FSHR: variants seen among roughly 807,000 people sequenced by gnomAD.
The protein encoded by FSHR is follicle stimulating hormone receptor, also known as follicle-stimulating hormone receptor.
Under a neutral mutation model 52.1 loss-of-function variants are expected in FSHR, and 46 were observed. That is an observed-to-expected ratio of 0.88 (90% CI 0.70 to 1.13). The LOEUF is 1.13. Among genes scored for constraint, FSHR ranks in the 50% most tolerant of loss-of-function variants. The pLI is 0.00. For missense variants in FSHR, 964 were observed against 834.6 expected (o/e 1.16, Z -1.91); for synonymous variants, 399 against 309.6 (o/e 1.29, Z -3.03).
At chr2:49,066,315 C>T (rs564759529) in intron 2 of FSHR, among the ~76,000 whole-genome samples, 19 of 151,916 alleles carry the variant, frequency 1.3e-4, no homozygotes, top group African/African-American at 3.9e-4. Context: ...GAAGAAAAGG[C>T]CAATATTTAT....
chr2:49,023,102 C>T (rs1432587414), intron 2 of FSHR, among the ~76,000 whole-genome samples: 1 of 152,178 alleles, frequency 6.6e-6, no homozygotes, highest in East Asian at 1.9e-4. Context: ...GATAGAGGAG[C>T]TCCAGGAGAA....
intron 2 of FSHR, among the ~76,000 whole-genome samples, chr2:49,030,726 A>G (rs1404375951): frequency 6.6e-6 from 1 of 152,168 alleles, no homozygotes; most frequent in African/African-American, 2.4e-5. Flanking sequence ...TCAGAAATTT[A>G]CAGGTCTGTA....
rs1667635027 is a variant in FSHR, at chr2:49,020,074, C to T, written c.299+12G>A. The T allele has an allele frequency of 6.2e-7, 1 of 1,611,126 alleles. No individual in the cohort carries two copies. Among genetic ancestry groups the T allele is most frequent in the South Asian group, 1.1e-5 (1 of 91,036 alleles). On this transcript the variant is annotated intron_variant, in intron 3 of 9. Coordinates refer to ENST00000406846, the MANE Select transcript of FSHR (RefSeq NM_000145.4). ...AATGGCCATGAGCAAATCCCCCAAT[C>T]TTCTTGCTTACATTTCATGTAATTT...
chr2:49,093,929 T>C (rs1670717178), intron 1 of FSHR, among the ~76,000 whole-genome samples: 1 of 152,188 alleles, frequency 6.6e-6, no homozygotes, highest in Non-Finnish European at 1.5e-5. Context: ...TTAAAATGGA[T>C]TTATTTTACA....
At chr2:49,142,531 A>G (rs1572803574) in intron 1 of FSHR, among the ~76,000 whole-genome samples, 1 of 152,150 alleles carries the variant, frequency 6.6e-6, no homozygotes, top group African/African-American at 2.4e-5. Flanking sequence ...TGTTTTGCTC[A>G]CTCCTGACTC....
intron 2 of FSHR, among the ~76,000 whole-genome samples, chr2:49,060,912 C>A (rs1669265978): frequency 6.6e-6 from 1 of 152,138 alleles, no homozygotes; most frequent in Admixed American, 6.5e-5. Context: ...TAAGCCCCAC[C>A]ATTCCAGGGT....
At chr2:49,110,158 A>G (rs1045745465) in intron 1 of FSHR, among the ~76,000 whole-genome samples, 1 of 152,200 alleles carries the variant, frequency 6.6e-6, no homozygotes, top group African/African-American at 2.4e-5. Flanking sequence ...AGCCAACATT[A>G]ACATGGTGCT....
At chr2:49,103,879 G>C (rs1389017553) in intron 1 of FSHR, among the ~76,000 whole-genome samples, 1 of 151,926 alleles carries the variant, frequency 6.6e-6, no homozygotes, top group Non-Finnish European at 1.5e-5. Context: ...AGGACAACAG[G>C]TGCTTTGTTT....
chr2:49,040,539 A>T (rs766883732), intron 2 of FSHR, among the ~76,000 whole-genome samples: 39 of 152,218 alleles, frequency 2.6e-4, no homozygotes, highest in Non-Finnish European at 4.7e-4. Context: ...TCTGGTACAC[A>T]GTAGGTGCTC....
At chr2:49,008,504 A>G (rs1345862917) in intron 4 of FSHR, among the ~76,000 whole-genome samples, 1 of 151,950 alleles carries the variant, frequency 6.6e-6, no homozygotes, top group African/African-American at 2.4e-5. Flanking sequence ...CATGTGTCTT[A>G]ATAGCAGCAT....
chr2:49,150,036 T>G (rs577877367), intron 1 of FSHR, among the ~76,000 whole-genome samples: 1 of 152,088 alleles, frequency 6.6e-6, no homozygotes, highest in Non-Finnish European at 1.5e-5. Context: ...AAATTTCAGA[T>G]GTAGAATGGG....
In FSHR at chr2:49,150,394, C is replaced by G. The variant is rs145499539; in HGVS notation, c.152+3872G>C. ...AATCAGTCTCATATCTCTTGACTGA[C>G]TTGGTCCTCACGAAAGCCCTCTGTG... On this transcript the variant is annotated intron_variant, in intron 1 of 9. Transcript: ENST00000406846. 1.7e-3 allele frequency among the ~76,000 whole-genome samples: 253 copies of G among 152,196 alleles called. 1 individual carries two copies. The highest frequency in any genetic ancestry group is 2.9e-3 in the Non-Finnish European group (200 of 67,992).
At chr2:48,972,379 G>A (rs978256642) in intron 8 of FSHR, among the ~76,000 whole-genome samples, 1 of 152,172 alleles carries the variant, frequency 6.6e-6, no homozygotes, top group Non-Finnish European at 1.5e-5. Flanking sequence ...TGATTCTTCA[G>A]ATTTGGGGTC....
chr2:48,963,137 C>G lies in FSHR; in HGVS notation c.1684G>C (p.Val562Leu). 6.2e-7 allele frequency: 1 copy of G among 1,613,994 alleles called. No homozygotes were observed. The highest frequency in any genetic ancestry group is 1.1e-5 in the South Asian group (1 of 91,054). ...ATCCTGGTGTCACTAGAGGAGGACA[C>G]GATGTTGGGGTTCCGCACTGTGAGG... ...IYLTVRNPNI[V>L]SSSSDTRIAK... The change falls in exon 10 of 10, where the codon GTG becomes CTG. Residue 562 changes from valine to leucine, a missense_variant. Coordinates refer to ENST00000406846, the MANE Select transcript of FSHR (RefSeq NM_000145.4).
At chr2:49,003,902 A>T (rs1666993582) in intron 4 of FSHR, among the ~76,000 whole-genome samples, 1 of 151,858 alleles carries the variant, frequency 6.6e-6, no homozygotes, top group South Asian at 2.1e-4. Context: ...CCCCATGGAG[A>T]TGGGTAGCTC....
chr2:48,996,249 A>G (rs747957040), intron 4 of FSHR, among the ~76,000 whole-genome samples: 1 of 152,094 alleles, frequency 6.6e-6, no homozygotes, highest in Admixed American at 6.6e-5. Context: ...GACCATTCTG[A>G]GAGAAGTTAG....
chr2:49,062,566 G>C (rs77929927), intron 2 of FSHR, among the ~76,000 whole-genome samples: 2,681 of 151,906 alleles, frequency 0.018, 63 homozygotes, highest in African/African-American at 0.056. Context: ...ACAGACAAAT[G>C]GCATTATGTT....
intron 1 of FSHR, among the ~76,000 whole-genome samples, chr2:49,130,172 G>A (rs967685341): frequency 3.3e-5 from 5 of 152,180 alleles, no homozygotes; most frequent in African/African-American, 1.2e-4. Flanking sequence ...GGATAATAGA[G>A]GGGTCTGCCC....
chr2:48,976,823 G>A lies in FSHR; in HGVS notation c.668+6089C>T, dbSNP rs539093325. On this transcript the variant is annotated intron_variant, in intron 8 of 9. Coordinates refer to ENST00000406846, the MANE Select transcript of FSHR (RefSeq NM_000145.4). ...AGTTTGTATTTCTGTGGGATCAGTGGTGATATCTCCTTTATCATTTTTTAT... is the reference window on the plus strand; with the variant it reads ...AGTTTGTATTTCTGTGGGATCAGTGATGATATCTCCTTTATCATTTTTTAT... Among the ~76,000 whole-genome samples, 33 of 152,202 alleles carry A rather than the reference G, an allele frequency of 2.2e-4. 1 individual carries two copies. In the South Asian group the frequency reaches 6.2e-3, roughly 29 times the overall value.
Sources: allele counts gnomAD v4.1 joint callset (sites outside exome capture counted in the v4.1 genomes callset), GRCh38; gene constraint gnomAD v4.1.1; transcripts MANE v1.5; gene names NCBI Gene and HGNC (gene_info 2026-07-23, HGNC 2026-07-21).